The following TMEM87A variants were observed in gnomAD, a reference collection of about 807,000 sequenced individuals.
TMEM87A encodes transmembrane protein 87A, also known as Golgi-pH regulating cation channel.
Under a neutral mutation model 90.0 loss-of-function variants are expected in TMEM87A, and 50 were observed. The ratio of observed to expected loss-of-function variants is 0.56; its 90% confidence interval spans 0.44 to 0.70. The LOEUF (loss-of-function observed/expected upper bound fraction) is 0.70, where lower values mean the gene tolerates loss of function less well. TMEM87A is among the 30% of genes least tolerant of loss of function. The probability of loss-of-function intolerance (pLI) is 0.00; values close to 1 mark genes in which losing one functional copy is unlikely to be tolerated. For synonymous variants in TMEM87A, 226 were observed against 226.7 expected, an observed-to-expected ratio of 1.00 and a Z score of 0.03; for missense variants, 577 against 660.5, an observed-to-expected ratio of 0.87 and a Z score of 1.39.
intron 6 of TMEM87A, among the ~76,000 whole-genome samples, chr15:42,244,598 C>G (rs1411296186): frequency 6.6e-6 from 1 of 151,112 alleles, no homozygotes; most frequent in Non-Finnish European, 1.5e-5. Context: ...TAAATCTAAT[C>G]CCTTTGTTCA....
chr15:42,226,588 AT>A, intron 15 of TMEM87A: 1 of 499,322 alleles, frequency 2.0e-6, no homozygotes, highest in Non-Finnish European at 3.6e-6. Flanking sequence ...CCCCCTCAGT[AT>A]ATAGAAAGGA....
chr15:42,228,755 A>C lies in TMEM87A; in HGVS notation c.1197T>G (p.Ser399=). 6.2e-7 allele frequency: 1 copy of C among 1,610,050 alleles called. No individual in the cohort carries two copies. Among genetic ancestry groups the C allele is most frequent in the Non-Finnish European group, 8.5e-7 (1 of 1,178,950 alleles). ...LKLRRNIVKL[S]LYRHFTNTLI... is the part of the protein sequence containing the mutation. ...GCGTGTTGGTGAAATGCCGATACAA[A>C]GAGAGTTTTACAATGTTCCTCCGAA... Residue 399 remains serine (S), a synonymous_variant, in exon 13 of 20, where the codon TCT becomes TCG. Transcript: ENST00000389834.
chr15:42,223,161 G>A (rs1397964619), intron 15 of TMEM87A, among the ~76,000 whole-genome samples: 1 of 152,204 alleles, frequency 6.6e-6, no homozygotes, highest in African/African-American at 2.4e-5. Context: ...GGGAGGCCAA[G>A]GCAGGCAGAT....
chr15:42,272,040 CTT>C (rs1244206051), intron 2 of TMEM87A, 21 bp downstream of exon 2: 12 of 1,569,474 alleles, frequency 7.6e-6, no homozygotes, highest in Non-Finnish European at 1.0e-5. Context: ...CAAATTAAAA[CTT>C]CATGAAATTC....
intron 6 of TMEM87A, among the ~76,000 whole-genome samples, chr15:42,247,464 T>C (rs1462890077): frequency 6.6e-6 from 1 of 152,236 alleles, no homozygotes; most frequent in Non-Finnish European, 1.5e-5. Context: ...AATTTTTATA[T>C]GAGGTGTAAG....
Position 42,261,251 on chromosome 15 carries a change from T to C in TMEM87A, c.406-2A>G. On this transcript the variant is annotated splice_acceptor_variant, in intron 4 of 19. Transcript: ENST00000389834. LOFTEE classifies it high-confidence loss of function. ...ATGCATAAAATCTCCAGAAAAGGTC[T>C]ATAAAAGAAACACAAAACAAAACAT... 1.2e-6 allele frequency: 2 copies of C among 1,612,464 alleles called. No individual in the cohort carries two copies. Among genetic ancestry groups the C allele is most frequent in the South Asian group, 1.1e-5 (1 of 90,826 alleles).
chr15:42,250,422 G>A (rs377405392), intron 6 of TMEM87A, among the ~76,000 whole-genome samples: 2 of 152,238 alleles, frequency 1.3e-5, no homozygotes, highest in East Asian at 1.9e-4. Flanking sequence ...TCCTTTCCAC[G>A]TTTAGTGCTT....
chr15:42,238,543 C>T (rs1390355736), intron 8 of TMEM87A, among the ~76,000 whole-genome samples: 1 of 151,948 alleles, frequency 6.6e-6, no homozygotes, highest in Non-Finnish European at 1.5e-5. Context: ...CCACTCCAGT[C>T]TGGGTGACAG....
chr15:42,212,418 C>T (rs551573522), intron 19 of TMEM87A, among the ~76,000 whole-genome samples: 18 of 152,252 alleles, frequency 1.2e-4, no homozygotes, highest in African/African-American at 4.1e-4. Flanking sequence ...TCAATCACAT[C>T]AGATAATCTA....
intron 6 of TMEM87A, among the ~76,000 whole-genome samples, chr15:42,244,655 T>C (rs546890167): frequency 6.6e-6 from 1 of 150,376 alleles, no homozygotes; most frequent in African/African-American, 2.4e-5. Flanking sequence ...TGGTCTCACA[T>C]TTATATCAAA....
chr15:42,230,671 G>T lies in TMEM87A; in HGVS notation c.1131+521C>A, dbSNP rs540251738. ...GGTGGAAATCTTCAAACAATTCCAA[G>T]CCAGCTTTTGAATGAGGCAAGAAAA... is the stretch of plus-strand genomic sequence containing the variant. On this transcript the variant is annotated intron_variant, in intron 12 of 19. Transcript: ENST00000389834. 3.3e-5 allele frequency among the ~76,000 whole-genome samples: 5 copies of T among 152,254 alleles called. No individual in the cohort carries two copies. In the East Asian group the frequency reaches 9.6e-4, roughly 29 times the overall value.
chr15:42,213,290 T>C (rs1226054781), intron 19 of TMEM87A, among the ~76,000 whole-genome samples: 1 of 152,152 alleles, frequency 6.6e-6, no homozygotes, highest in Non-Finnish European at 1.5e-5. Context: ...AGGGCCCAGG[T>C]TGGAAGTTGC....
chr15:42,266,455 G>T (rs896734775), intron 3 of TMEM87A, among the ~76,000 whole-genome samples: 3 of 151,800 alleles, frequency 2.0e-5, no homozygotes, highest in Non-Finnish European at 2.9e-5. Context: ...GGCAGAGGTT[G>T]TGGTGAGCTG....
chr15:42,226,724 T>C, intron 15 of TMEM87A, 82 bp downstream of exon 15: 3 of 1,207,156 alleles, frequency 2.5e-6, no homozygotes, highest in Non-Finnish European at 3.7e-6. Context: ...GACACAGCCC[T>C]GATACTGTCC....
chr15:42,245,339 C>T (rs1339633783), intron 6 of TMEM87A, among the ~76,000 whole-genome samples: 1 of 152,016 alleles, frequency 6.6e-6, no homozygotes, highest in African/African-American at 2.4e-5. Flanking sequence ...GGTGTAATAA[C>T]CTGCTCTATT....
At chr15:42,253,516 G>C (rs868432880) in intron 6 of TMEM87A, among the ~76,000 whole-genome samples, 6 of 152,130 alleles carry the variant, frequency 3.9e-5, no homozygotes, top group Non-Finnish European at 7.3e-5. Context: ...ACAAAGTTAA[G>C]TCCTGGCAAG....
At chr15:42,252,641 G>A (rs2051107249) in intron 6 of TMEM87A, among the ~76,000 whole-genome samples, 1 of 151,884 alleles carries the variant, frequency 6.6e-6, no homozygotes, top group African/African-American at 2.4e-5. Flanking sequence ...AGGTCTCTCA[G>A]GCTCATCTTC....
chr15:42,258,914 T>A (rs1047751804), intron 6 of TMEM87A: 1 of 1,362,940 alleles, frequency 7.3e-7, no homozygotes, highest in Non-Finnish European at 1.0e-6. Context: ...ACTATCAAAA[T>A]CAACTTTTGG....
intron 10 of TMEM87A, among the ~76,000 whole-genome samples, chr15:42,234,827 T>C (rs373574978): frequency 1.3e-5 from 2 of 152,222 alleles, no homozygotes; most frequent in South Asian, 2.1e-4. Context: ...TCACTTGACC[T>C]ATCAGGATCT....
Sources: allele counts gnomAD v4.1 joint callset (sites outside exome capture counted in the v4.1 genomes callset), GRCh38; gene constraint gnomAD v4.1.1; transcripts MANE v1.5; gene names NCBI Gene and HGNC (gene_info 2026-07-23, HGNC 2026-07-21).